The following EML6 variants were observed in gnomAD, a reference collection of about 807,000 sequenced individuals.
EML6 encodes echinoderm microtubule-associated protein-like 6.
A neutral mutation model predicts 240.1 loss-of-function variants in EML6; 154 were observed. That is an observed-to-expected ratio of 0.64 (90% CI 0.56 to 0.73). The LOEUF is 0.73. EML6 is among the 30% of genes least tolerant of loss of function. The pLI is 0.00. For missense variants in EML6, 2,964 were observed against 2,474.6 expected, an observed-to-expected ratio of 1.20 and a Z score of -4.20; for synonymous variants, 1,148 against 899.0, an observed-to-expected ratio of 1.28 and a Z score of -4.95.
chr2:54,926,900 C>A (rs1674577627), intron 26 of EML6, among the ~76,000 whole-genome samples: 1 of 152,146 alleles, frequency 6.6e-6, no homozygotes, highest in African/African-American at 2.4e-5. Flanking sequence ...CTGTGTCCCT[C>A]TTATAAGTTG....
chr2:54,786,721 G>A (rs1428077518), intron 2 of EML6, among the ~76,000 whole-genome samples: 4 of 152,202 alleles, frequency 2.6e-5, no homozygotes, highest in African/African-American at 9.7e-5. Context: ...ATAATTCCCA[G>A]ATGCTCGAGT....
At chr2:54,921,334 A>C (rs947575646) in intron 26 of EML6, among the ~76,000 whole-genome samples, 1 of 152,148 alleles carries the variant, frequency 6.6e-6, no homozygotes, top group African/African-American at 2.4e-5. Flanking sequence ...CTGTATCATC[A>C]AGACAAATAA....
At chr2:54,726,052 G>C (rs1411915162) in intron 2 of EML6, among the ~76,000 whole-genome samples, 1 of 152,150 alleles carries the variant, frequency 6.6e-6, no homozygotes, top group East Asian at 1.9e-4. Flanking sequence ...CTCATCTTTG[G>C]ACCAGACACA....
intron 26 of EML6, among the ~76,000 whole-genome samples, chr2:54,927,324 C>G (rs192943829): frequency 2.0e-5 from 3 of 152,300 alleles, no homozygotes; most frequent in Admixed American, 2.0e-4. Context: ...TGCTGTATGT[C>G]TGTGCTGTTT....
chr2:54,948,318 T>G (rs1255757527), intron 28 of EML6, among the ~76,000 whole-genome samples: 1 of 151,950 alleles, frequency 6.6e-6, no homozygotes, highest in Non-Finnish European at 1.5e-5. Flanking sequence ...GGGAGTGCTG[T>G]CTGTCTCCTG....
chr2:54,799,564 C>T (rs1217660158), intron 2 of EML6, among the ~76,000 whole-genome samples: 3 of 151,978 alleles, frequency 2.0e-5, no homozygotes, highest in Admixed American at 6.6e-5. Context: ...AGGATGGTCT[C>T]GATCTCCTGA....
intron 3 of EML6, among the ~76,000 whole-genome samples, chr2:54,814,903 G>A (rs1255180614): frequency 1.3e-5 from 2 of 152,026 alleles, no homozygotes. Context: ...CCCTTTTATG[G>A]CTACATAAAG....
At chr2:54,752,831 C>CA (rs113177133) in intron 2 of EML6, among the ~76,000 whole-genome samples, 14 of 152,174 alleles carry the variant, frequency 9.2e-5, no homozygotes, top group African/African-American at 3.4e-4. Context: ...CTTTGTCACC[C>CA]AGGCTGGAGT....
chr2:54,904,573 T>C (rs1390400749), intron 24 of EML6, among the ~76,000 whole-genome samples: 1 of 152,102 alleles, frequency 6.6e-6, no homozygotes, highest in African/African-American at 2.4e-5. Context: ...AAAAGGAATA[T>C]GGCATATGAA....
At chr2:54,955,743 T>C (rs1676201232) in intron 32 of EML6, among the ~76,000 whole-genome samples, 2 of 152,194 alleles carry the variant, frequency 1.3e-5, no homozygotes, top group Non-Finnish European at 2.9e-5. Context: ...CCAGGGCTTT[T>C]AAACAAGCTC....
chr2:54,747,898 G>A (rs745366193), intron 2 of EML6, among the ~76,000 whole-genome samples: 15 of 151,830 alleles, frequency 9.9e-5, no homozygotes, highest in Non-Finnish European at 1.8e-4. Flanking sequence ...ATTTATCTAG[G>A]ATTTTTACTT....
intron 17 of EML6, among the ~76,000 whole-genome samples, chr2:54,888,772 G>T (rs78458754): frequency 6.6e-6 from 1 of 152,148 alleles, no homozygotes; most frequent in Non-Finnish European, 1.5e-5. Flanking sequence ...ACCTGCTGAA[G>T]GACATCTATG....
At chr2:54,910,582 T>C (rs1486381708) in intron 24 of EML6, among the ~76,000 whole-genome samples, 1 of 152,230 alleles carries the variant, frequency 6.6e-6, no homozygotes, top group Non-Finnish European at 1.5e-5. Context: ...TCCAATGACA[T>C]AATTCTTGCC....
chr2:54,946,067 C>G (rs1675680579), intron 28 of EML6, among the ~76,000 whole-genome samples: 1 of 152,224 alleles, frequency 6.6e-6, no homozygotes, highest in Non-Finnish European at 1.5e-5. Flanking sequence ...TCTTGGCAGG[C>G]TTCTCCTGCT....
At chr2:54,873,504 G>T (rs1671360636) in intron 16 of EML6, among the ~76,000 whole-genome samples, 1 of 152,110 alleles carries the variant, frequency 6.6e-6, no homozygotes, top group Non-Finnish European at 1.5e-5. Flanking sequence ...AAATAGGTGT[G>T]CTGTGTGTCA....
At chr2:54,859,727 A>G (rs1670576510) in intron 12 of EML6, 26 bp downstream of exon 12, 4 of 1,509,292 alleles carry the variant, frequency 2.7e-6, no homozygotes, top group Non-Finnish European at 1.8e-6. Context: ...ATTTCTTAAC[A>G]TCATTTTATT....
At chr2:54,911,700 G>C (rs1573126545) in intron 25 of EML6, among the ~76,000 whole-genome samples, 1 of 152,198 alleles carries the variant, frequency 6.6e-6, no homozygotes, top group Non-Finnish European at 1.5e-5. Flanking sequence ...GCCTCCCAAA[G>C]TGCTGGGATT....
chr2:54,789,208 A>G (rs1383191934), intron 2 of EML6, among the ~76,000 whole-genome samples: 2 of 152,170 alleles, frequency 1.3e-5, no homozygotes, highest in Non-Finnish European at 2.9e-5. Context: ...TGTTATGGTG[A>G]CCTTTAGAAA....
At chr2:54,795,582 C>T (rs1329998406) in intron 2 of EML6, among the ~76,000 whole-genome samples, 1 of 152,194 alleles carries the variant, frequency 6.6e-6, no homozygotes, top group Non-Finnish European at 1.5e-5. Flanking sequence ...CATCCTGCCA[C>T]TGCCAGCAAG....
Sources: gnomAD v4.1 joint callset for allele counts (sites outside exome capture counted in the v4.1 genomes callset) on GRCh38, gnomAD v4.1.1 for gene constraint, MANE v1.5 for transcripts, NCBI Gene and HGNC (gene_info 2026-07-23, HGNC 2026-07-21) for gene names.